PRDM16: variants seen among roughly 807,000 people sequenced by gnomAD.
PRDM16 encodes histone-lysine N-methyltransferase PRDM16.
In PRDM16, 23 loss-of-function variants were observed where a neutral mutation model predicts 110.6. That is an observed-to-expected ratio of 0.21 (90% CI 0.15 to 0.29). PRDM16 has a LOEUF of 0.29. PRDM16 is among the 10% of genes least tolerant of loss of function. The pLI, the probability that PRDM16 is intolerant of heterozygous loss-of-function variation, is 1.00. For synonymous variants in PRDM16, 799 were observed against 781.8 expected (o/e 1.02, Z -0.37); for missense variants, 1,615 against 1,794.3 (o/e 0.90, Z 1.81).
Position 3,438,117 on chromosome 1 carries a change from A to T in PRDM16, c.*4306A>T, listed in dbSNP as rs1638956788. On this transcript the variant is annotated 3_prime_UTR_variant, in exon 17 of 17. Coordinates refer to ENST00000270722, the MANE Select transcript of PRDM16 (RefSeq NM_022114.4). ...GTCTGGTTTTCATATAATGTTTAAA[A>T]AGACCATTGAGAAGGAGGCTGGCGC... The T allele has an allele frequency of 4.9e-6, 1 of 206,068 alleles. No individual in the cohort carries two copies. The highest frequency in any genetic ancestry group is 2.3e-5 in the African/African-American group (1 of 43,770). 12.8% of individuals were successfully genotyped at this position (206,068 alleles called of 1,614,324 possible).
rs778783069 is a variant in PRDM16, at chr1:3,190,348, G to A, written c.387+3874G>A. Reference sequence around the variant, plus strand: ...CAACGCAGGAATGAGGCTGGGGGTCGGGAGCTGAGTTTCCTCCGGCCTCAG... The same window carrying A: ...CAACGCAGGAATGAGGCTGGGGGTCAGGAGCTGAGTTTCCTCCGGCCTCAG... On this transcript the variant is annotated intron_variant, in intron 2 of 16. Coordinates refer to ENST00000270722, the MANE Select transcript of PRDM16 (RefSeq NM_022114.4). The surrounding 1 kb of genome is among the most constrained non-coding windows in gnomAD (Gnocchi z 5.0). 4.6e-5 allele frequency among the ~76,000 whole-genome samples: 7 copies of A among 152,194 alleles called. No homozygotes were observed. Among genetic ancestry groups the A allele is most frequent in the Non-Finnish European group, 7.3e-5 (5 of 68,040 alleles).
intron 3 of PRDM16, among the ~76,000 whole-genome samples, chr1:3,277,816 A>G (rs993871984): frequency 4.2e-5 from 6 of 142,084 alleles, no homozygotes; most frequent in African/African-American, 1.8e-4. Flanking sequence ...TGTGAACACG[A>G]GCATATGCAC....
intron 2 of PRDM16, among the ~76,000 whole-genome samples, chr1:3,228,444 AG>A (rs1242867205): frequency 6.6e-6 from 1 of 152,246 alleles, no homozygotes; most frequent in Non-Finnish European, 1.5e-5. Context: ...AAGAGAAAGC[AG>A]TTTTTGTGCG....
At chr1:3,204,772 C>A (rs935314328) in intron 2 of PRDM16, among the ~76,000 whole-genome samples, 1 of 152,232 alleles carries the variant, frequency 6.6e-6, no homozygotes, top group Non-Finnish European at 1.5e-5. Context: ...GTGGGTTGCT[C>A]ACCCTTGAAG....
chr1:3,072,560 CAG>C (rs1280815779), intron 1 of PRDM16, among the ~76,000 whole-genome samples: 1 of 152,218 alleles, frequency 6.6e-6, no homozygotes, highest in African/African-American at 2.4e-5. Context: ...GTGCTGGAGA[CAG>C]GGTAGAGGTA....
chr1:3,292,092 T>C (rs1234027860), intron 3 of PRDM16, among the ~76,000 whole-genome samples: 1 of 151,656 alleles, frequency 6.6e-6, no homozygotes, highest in African/African-American at 2.4e-5. Context: ...GGGCAGATTT[T>C]CTGGGCCCAC....
intron 3 of PRDM16, among the ~76,000 whole-genome samples, chr1:3,349,716 C>T (rs540412894): frequency 1.8e-4 from 28 of 152,244 alleles, no homozygotes; most frequent in Non-Finnish European, 2.2e-4. Context: ...CGGCTTCCTG[C>T]GCTCTGGGGG....
chr1:3,218,980 G>C (rs1051330985), intron 2 of PRDM16, among the ~76,000 whole-genome samples: 4 of 152,352 alleles, frequency 2.6e-5, no homozygotes, highest in African/African-American at 9.6e-5. Flanking sequence ...ACAGCCTGGG[G>C]CCCAGCTCTC....
chr1:3,252,143 C>CATCA (rs1356278214), intron 3 of PRDM16, among the ~76,000 whole-genome samples: 1 of 152,244 alleles, frequency 6.6e-6, no homozygotes, highest in East Asian at 1.9e-4. Flanking sequence ...GCTTCTGTGA[C>CATCA]ATCATGCTGT....
At chr1:3,364,038 A>G (rs1642765540) in intron 3 of PRDM16, among the ~76,000 whole-genome samples, 1 of 149,234 alleles carries the variant, frequency 6.7e-6, no homozygotes, top group East Asian at 2.0e-4. Flanking sequence ...TGCGGGGGGG[A>G]AGTTCACATG....
chr1:3,275,795 C>G (rs895299938), intron 3 of PRDM16, among the ~76,000 whole-genome samples: 3 of 152,168 alleles, frequency 2.0e-5, no homozygotes, highest in Non-Finnish European at 2.9e-5. Context: ...GGGAGTCATT[C>G]CAAACTGGGG....
At chr1:3,232,750 G>C (rs1165267880) in intron 2 of PRDM16, among the ~76,000 whole-genome samples, 1 of 152,154 alleles carries the variant, frequency 6.6e-6, no homozygotes, top group East Asian at 1.9e-4. Context: ...GCTCGGATAT[G>C]GATCCACTTT....
At chr1:3,163,487 G>A (rs369473090) in intron 1 of PRDM16, among the ~76,000 whole-genome samples, 13 of 152,340 alleles carry the variant, frequency 8.5e-5, no homozygotes, top group African/African-American at 2.2e-4. Context: ...GAGTAAGAGC[G>A]GTCAAGCAGT....
chr1:3,224,667 C>T (rs1318212689), intron 2 of PRDM16, among the ~76,000 whole-genome samples: 1 of 152,234 alleles, frequency 6.6e-6, no homozygotes, highest in Non-Finnish European at 1.5e-5. Context: ...CTGCATTAGG[C>T]GGCCCCAAGG....
At chr1:3,433,630 C>T (rs965934192) in intron 16 of PRDM16, 47 bp from the exon 17 acceptor site, 5 of 1,581,912 alleles carry the variant, frequency 3.2e-6, no homozygotes, top group East Asian at 2.3e-5. Context: ...GCCCTGCCCA[C>T]GCGCTCACCT....
intron 2 of PRDM16, among the ~76,000 whole-genome samples, chr1:3,242,435 G>A (rs974150933): frequency 5.3e-5 from 8 of 152,172 alleles, no homozygotes; most frequent in African/African-American, 1.7e-4. Flanking sequence ...CCACTGGGAC[G>A]GGGCATCCCT....
chr1:3,211,593 G>A (rs78987407), intron 2 of PRDM16, among the ~76,000 whole-genome samples: 20 of 152,362 alleles, frequency 1.3e-4, no homozygotes, highest in African/African-American at 4.8e-4. Context: ...TGGGACTTTT[G>A]TCTCAAGGCC....
At chr1:3,171,840 C>G (rs2100761289) in intron 1 of PRDM16, among the ~76,000 whole-genome samples, 1 of 152,270 alleles carries the variant, frequency 6.6e-6, no homozygotes, top group Admixed American at 6.5e-5. Context: ...CCGGGCCCTC[C>G]ACCAGCCAGA....
At chr1:3,138,335 G>A (rs1198244945) in intron 1 of PRDM16, among the ~76,000 whole-genome samples, 1 of 152,208 alleles carries the variant, frequency 6.6e-6, no homozygotes, top group African/African-American at 2.4e-5. Context: ...AGCACCCATC[G>A]AGTAAATACA....
Sources: allele counts gnomAD v4.1 joint callset (sites outside exome capture counted in the v4.1 genomes callset), GRCh38; gene constraint gnomAD v4.1.1; non-coding constraint Gnocchi (gnomAD v3.1); transcripts MANE v1.5; gene names NCBI Gene and HGNC (gene_info 2026-07-23, HGNC 2026-07-21).